Variants in RBFOX1 observed in about 807,000 individuals in gnomAD.
The protein encoded by RBFOX1 is RNA binding protein fox-1 homolog 1.
In RBFOX1, 8 loss-of-function variants were observed where a neutral mutation model predicts 57.7. That is an observed-to-expected ratio of 0.14 (90% CI 0.08 to 0.25). The LOEUF is 0.25. Among genes scored for constraint, RBFOX1 ranks in the 10% least tolerant of loss-of-function variants. The pLI is 1.00. For synonymous variants in RBFOX1, 326 were observed against 222.4 expected, an observed-to-expected ratio of 1.47 and a Z score of -4.15; for missense variants, 611 against 548.5, an observed-to-expected ratio of 1.11 and a Z score of -1.14.
chr16:6,533,194 T>C (rs2096684297), intron 2 of RBFOX1, among the ~76,000 whole-genome samples: 3 of 152,150 alleles, frequency 2.0e-5, no homozygotes, highest in Admixed American at 6.5e-5. Flanking sequence ...TGATACTGAG[T>C]TGTGGACAGA....
intron 2 of RBFOX1, among the ~76,000 whole-genome samples, chr16:6,395,204 G>T (rs2092774347): frequency 6.6e-6 from 1 of 152,182 alleles, no homozygotes; most frequent in Non-Finnish European, 1.5e-5. Flanking sequence ...AATGAAGACA[G>T]GATTTTTTTT....
chr16:5,536,542 A>G (rs1300918533), intron 2 of RBFOX1, among the ~76,000 whole-genome samples: 1 of 152,072 alleles, frequency 6.6e-6, no homozygotes, highest in Non-Finnish European at 1.5e-5. Flanking sequence ...GGCCCTGTCT[A>G]GGTCTTACTG....
intron 3 of RBFOX1, among the ~76,000 whole-genome samples, chr16:6,921,120 T>G (rs6500876): frequency 0.72 from 109,632 of 152,008 alleles, 39,746 homozygotes; most frequent in African/African-American, 0.78. Flanking sequence ...ATAAGTTTCC[T>G]AAACTCCCCC....
intron 3 of RBFOX1, among the ~76,000 whole-genome samples, chr16:7,025,130 C>G (rs1334087885): frequency 6.6e-6 from 1 of 152,190 alleles, no homozygotes; most frequent in Non-Finnish European, 1.5e-5. Context: ...AATGTCCACT[C>G]CATAGACAGA....
intron 1 of RBFOX1, among the ~76,000 whole-genome samples, chr16:6,123,316 T>C (rs1411895076): frequency 2.6e-5 from 4 of 152,246 alleles, no homozygotes; most frequent in Non-Finnish European, 4.4e-5. Context: ...GAAAATCATT[T>C]GTCCATTATA....
chr16:7,583,526 C>T (rs1357071293), intron 6 of RBFOX1, among the ~76,000 whole-genome samples: 1 of 152,184 alleles, frequency 6.6e-6, no homozygotes, highest in Non-Finnish European at 1.5e-5. Flanking sequence ...TGAAGTGAGA[C>T]AAGTGGATTG....
At chr16:5,821,819 G>A (rs1383704247) in intron 3 of RBFOX1, among the ~76,000 whole-genome samples, 2 of 152,270 alleles carry the variant, frequency 1.3e-5, no homozygotes, top group Non-Finnish European at 2.9e-5. Context: ...TCTTGCTGCT[G>A]CATCCTCACA....
chr16:6,535,736 C>A (rs944136424), intron 2 of RBFOX1, among the ~76,000 whole-genome samples: 1 of 152,152 alleles, frequency 6.6e-6, no homozygotes, highest in African/African-American at 2.4e-5. Context: ...TGGAAGGAAG[C>A]CTCTTTCATC....
At chr16:6,958,722 A>T (rs546853820) in intron 3 of RBFOX1, among the ~76,000 whole-genome samples, 1 of 152,298 alleles carries the variant, frequency 6.6e-6, no homozygotes, top group South Asian at 2.1e-4. Context: ...TGTTAGTTTT[A>T]TGCCGCTTCA....
At chr16:7,704,543 C>CTT (rs1007065885) in intron 14 of RBFOX1, among the ~76,000 whole-genome samples, 10 of 152,128 alleles carry the variant, frequency 6.6e-5, no homozygotes, top group African/African-American at 2.2e-4. Context: ...CCATTTCTCT[C>CTT]TTTACTCCTT....
intron 3 of RBFOX1, among the ~76,000 whole-genome samples, chr16:6,795,724 C>T (rs999862181): frequency 2.6e-5 from 4 of 151,398 alleles, no homozygotes; most frequent in Non-Finnish European, 5.9e-5. Flanking sequence ...CAATGTTGCA[C>T]CACTGCACTC....
chr16:6,035,877 A>T (rs2095358954), intron 1 of RBFOX1, among the ~76,000 whole-genome samples: 1 of 152,126 alleles, frequency 6.6e-6, no homozygotes, highest in African/African-American at 2.4e-5. Flanking sequence ...TTTTTCAGTT[A>T]CTCTGAGAAA....
intron 1 of RBFOX1, among the ~76,000 whole-genome samples, chr16:6,134,458 T>C (rs953380776): frequency 3.3e-5 from 5 of 152,212 alleles, no homozygotes; most frequent in Non-Finnish European, 7.3e-5. Flanking sequence ...AGGGGTATTG[T>C]ACTAGTTCCC....
At chr16:5,589,621 C>A (rs867176253) in intron 2 of RBFOX1, among the ~76,000 whole-genome samples, 1 of 152,194 alleles carries the variant, frequency 6.6e-6, no homozygotes, top group Non-Finnish European at 1.5e-5. Flanking sequence ...ATGAAAGTGG[C>A]TAGTCCTAGG....
At chr16:7,339,148 T>C (rs1417638293) in intron 4 of RBFOX1, among the ~76,000 whole-genome samples, 1 of 152,166 alleles carries the variant, frequency 6.6e-6, no homozygotes, top group African/African-American at 2.4e-5. Context: ...GGCTTGTCAA[T>C]TAACCTCACC....
At chr16:5,445,572 T>G (rs2068216835) in intron 1 of RBFOX1, among the ~76,000 whole-genome samples, 1 of 152,220 alleles carries the variant, frequency 6.6e-6, no homozygotes, top group Non-Finnish European at 1.5e-5. Flanking sequence ...AACTCTGGAT[T>G]TCTTTAGGTG....
intron 1 of RBFOX1, among the ~76,000 whole-genome samples, chr16:6,250,241 G>A (rs187281266): frequency 6.6e-6 from 1 of 152,002 alleles, no homozygotes; most frequent in Non-Finnish European, 1.5e-5. Context: ...TCTGTTTCTA[G>A]TCCTGTGTCA....
In RBFOX1 at chr16:5,850,756, C is replaced by T. The variant is rs553524803; in HGVS notation, c.319-16547C>T. On this transcript the variant is annotated intron_variant, in intron 3 of 19. Coordinates refer to the RBFOX1 transcript ENST00000641259. ...ACAGAGGTGAAAGAACCCACAAGGGCGACTCCAGAGCCTGATGTCTCATTT... is the reference window on the plus strand; with the variant it reads ...ACAGAGGTGAAAGAACCCACAAGGGTGACTCCAGAGCCTGATGTCTCATTT... Among the ~76,000 whole-genome samples, 155 of 152,272 alleles carry T rather than the reference C, an allele frequency of 1.0e-3. 1 individual carries two copies. The highest frequency in any genetic ancestry group is 3.4e-3 in the African/African-American group (142 of 41,554).
chr16:5,506,270 C>T (rs1175304182), intron 2 of RBFOX1, among the ~76,000 whole-genome samples: 1 of 152,236 alleles, frequency 6.6e-6, no homozygotes, highest in Non-Finnish European at 1.5e-5. Context: ...TTGCTCCAGC[C>T]ACATTTGCGA....
Sources: gnomAD v4.1 joint callset for allele counts (sites outside exome capture counted in the v4.1 genomes callset) on GRCh38, gnomAD v4.1.1 for gene constraint, MANE v1.5 for transcripts, NCBI Gene and HGNC (gene_info 2026-07-23, HGNC 2026-07-21) for gene names.